Variants in RAPGEF1 observed in about 807,000 individuals in gnomAD.
RAPGEF1 encodes the protein Rap guanine nucleotide exchange factor 1.
RAPGEF1 carries 33 observed loss-of-function variants against 143.3 expected under a neutral mutation model. The observed-to-expected ratio is 0.23, with a 90% CI of 0.17 to 0.31. RAPGEF1 has a LOEUF of 0.31. Among genes scored for constraint, RAPGEF1 ranks in the 10% least tolerant of loss-of-function variants. The probability of loss-of-function intolerance (pLI) is 1.00; values close to 1 mark genes in which losing one functional copy is unlikely to be tolerated. For synonymous variants in RAPGEF1, 629 were observed against 676.5 expected (o/e 0.93, Z 1.09); for missense variants, 1,199 against 1,645.4 (o/e 0.73, Z 4.69).
intron 14 of RAPGEF1, 121 bp from the exon 15 acceptor site, chr9:131,602,270 T>C: frequency 1.6e-6 from 1 of 640,194 alleles, no homozygotes; most frequent in South Asian, 1.9e-5. Context: ...CAATCTCAGA[T>C]GTGAACAAAT....
chr9:131,593,375 C>T (rs1954690391), intron 17 of RAPGEF1, among the ~76,000 whole-genome samples: 1 of 152,200 alleles, frequency 6.6e-6, no homozygotes, highest in African/African-American at 2.4e-5. Flanking sequence ...ACTGCCTGAG[C>T]CAACGGGTGG....
intron 1 of RAPGEF1, among the ~76,000 whole-genome samples, chr9:131,688,829 T>C (rs935357162): frequency 6.6e-6 from 1 of 151,980 alleles, no homozygotes; most frequent in African/African-American, 2.4e-5. Context: ...ACCCGGGAGG[T>C]GGAGGTTGCA....
intron 17 of RAPGEF1, among the ~76,000 whole-genome samples, chr9:131,593,949 G>A (rs757993710): frequency 2.6e-5 from 4 of 152,206 alleles, no homozygotes; most frequent in Admixed American, 6.5e-5. Context: ...CGTGGGACTC[G>A]CTGGTGAGCA....
Position 131,697,284 on chromosome 9 carries a change from G to A in RAPGEF1, c.61+42486C>T, listed in dbSNP as rs117826742. Among the ~76,000 whole-genome samples, 524 of 152,314 alleles carry A rather than the reference G, an allele frequency of 3.4e-3. 3 individuals carry two copies. The highest frequency in any genetic ancestry group is 5.8e-3 in the Admixed American group (89 of 15,304). ...AGCTCCGGGCTCCCTATGTAAGCAA[G>A]GTCACAGAGACTTGAAATGGGTGAT... is the stretch of plus-strand genomic sequence containing the variant. On this transcript the variant is annotated intron_variant, in intron 1 of 26. Transcript: ENST00000683357.
In RAPGEF1 at chr9:131,621,990, A is replaced by AC; in HGVS notation, c.1710_1711insG (p.Tyr571ValfsTer84). The AC allele has an allele frequency of 6.2e-7, 1 of 1,612,756 alleles. No homozygotes were observed. ...GAGTAGTCCTCCAGCAACTGCATGTAGGCCAGCACTGTGAAACAAGGGAGA... is the reference window on the plus strand; with the variant it reads ...GAGTAGTCCTCCAGCAACTGCATGTACGGCCAGCACTGTGAAACAAGGGAGA... On this transcript the variant is annotated frameshift_variant, in exon 11 of 27. Transcript: ENST00000683357. LOFTEE classifies it high-confidence loss of function. This position sits in a 1 kb window ranked among gnomAD's most constrained non-coding sequence, Gnocchi z 4.5.
At chr9:131,582,122 C>T (rs1036594051) in intron 25 of RAPGEF1, among the ~76,000 whole-genome samples, 13 of 152,330 alleles carry the variant, frequency 8.5e-5, no homozygotes, top group South Asian at 2.1e-4. Flanking sequence ...CCATGGTCCA[C>T]GCTCAGGAAG....
intron 1 of RAPGEF1, among the ~76,000 whole-genome samples, chr9:131,665,388 A>G (rs1403354337): frequency 6.6e-6 from 1 of 152,124 alleles, no homozygotes; most frequent in Non-Finnish European, 1.5e-5. Context: ...TTAATGGTAC[A>G]TTCAGAATCC....
chr9:131,659,387 T>G (rs886592093), intron 1 of RAPGEF1, among the ~76,000 whole-genome samples: 40 of 152,176 alleles, frequency 2.6e-4, no homozygotes, highest in African/African-American at 8.7e-4. Flanking sequence ...ACTGGCTAAT[T>G]TTTGTATTTT....
At chr9:131,592,987 C>G (rs1034590066) in intron 17 of RAPGEF1, among the ~76,000 whole-genome samples, 1 of 152,226 alleles carries the variant, frequency 6.6e-6, no homozygotes, top group East Asian at 1.9e-4. Context: ...AAGTGATTCA[C>G]TCAGCTTGGC....
chr9:131,721,706 C>CA lies in RAPGEF1; in HGVS notation c.61+18063dup, dbSNP rs111325703. 3.6e-3 allele frequency among the ~76,000 whole-genome samples: 500 copies of CA among 138,950 alleles called. 3 individuals carry two copies. Among genetic ancestry groups the CA allele is most frequent in the South Asian group, 0.016 (70 of 4,428 alleles). 91.2% of individuals were successfully genotyped at this position (138,950 alleles called of 152,430 possible). On this transcript the variant is annotated intron_variant, in intron 1 of 26. Transcript: ENST00000683357. ...ATCTGTGGATTCAACCAACCTCAGG[C>CA]AAAAAAAAAAAATGGATGGTTGTGT...
intron 1 of RAPGEF1, among the ~76,000 whole-genome samples, chr9:131,718,485 GGGAGAAAC>G (rs1173906980): frequency 6.6e-6 from 1 of 152,342 alleles, no homozygotes; most frequent in East Asian, 1.9e-4. Context: ...GGGCAGTCCA[GGGAGAAAC>G]GGCGGTGGCC....
At position 131,688,322 on chromosome 9, in the gene RAPGEF1, T is replaced by C. The variant is rs537015019; in HGVS notation, c.62-37373A>G. Reference sequence around the variant, plus strand: ...CTCCAGTCAATGGTTTACACTCTGGTGTTGAATAAAAGAACCACAATTCAC... The same window carrying C: ...CTCCAGTCAATGGTTTACACTCTGGCGTTGAATAAAAGAACCACAATTCAC... On this transcript the variant is annotated intron_variant, in intron 1 of 26. Transcript: ENST00000683357. Among the ~76,000 whole-genome samples, 22 of 152,308 alleles carry C rather than the reference T, an allele frequency of 1.4e-4. No homozygotes were observed. The East Asian group carries it at 4.2e-3, about 29-fold the overall frequency.
At chr9:131,687,548 G>A (rs1182291472) in intron 1 of RAPGEF1, among the ~76,000 whole-genome samples, 6 of 152,114 alleles carry the variant, frequency 3.9e-5, no homozygotes, top group Non-Finnish European at 8.8e-5. Flanking sequence ...AACTGAGCAT[G>A]TTTTCCTTAG....
At chr9:131,703,674 G>A (rs79196251) in intron 1 of RAPGEF1, among the ~76,000 whole-genome samples, 5,482 of 152,228 alleles carry the variant, frequency 0.036, 210 homozygotes, top group East Asian at 0.089. Context: ...AATTTTCAAA[G>A]AAATTCAACA....
intron 3 of RAPGEF1, among the ~76,000 whole-genome samples, chr9:131,644,186 A>G (rs957365361): frequency 6.6e-6 from 1 of 152,184 alleles, no homozygotes; most frequent in Non-Finnish European, 1.5e-5. Flanking sequence ...TGTTTAAGCC[A>G]CAACCCCAAG....
intron 1 of RAPGEF1, among the ~76,000 whole-genome samples, chr9:131,735,340 G>A (rs1053039222): frequency 6.6e-6 from 1 of 152,222 alleles, no homozygotes; most frequent in African/African-American, 2.4e-5. Context: ...GCCCAGCTAA[G>A]TGGACCCATC....
At chr9:131,693,199 G>A (rs915992684) in intron 1 of RAPGEF1, among the ~76,000 whole-genome samples, 1 of 152,196 alleles carries the variant, frequency 6.6e-6, no homozygotes, top group Non-Finnish European at 1.5e-5. Flanking sequence ...CATGAATGAC[G>A]TGTTAAGATT....
intron 25 of RAPGEF1, among the ~76,000 whole-genome samples, chr9:131,581,206 C>G (rs760432295): frequency 1.3e-5 from 2 of 151,266 alleles, no homozygotes; most frequent in South Asian, 2.1e-4. Flanking sequence ...CCAGCCTGGG[C>G]AACATAGCAA....
intron 17 of RAPGEF1, among the ~76,000 whole-genome samples, chr9:131,594,166 G>A (rs1318707498): frequency 6.6e-6 from 1 of 152,220 alleles, no homozygotes; most frequent in Non-Finnish European, 1.5e-5. Context: ...AGATGGGACA[G>A]CGCCTGGCTT....
Sources: gnomAD v4.1 joint callset for allele counts (sites outside exome capture counted in the v4.1 genomes callset) on GRCh38, gnomAD v4.1.1 for gene constraint, Gnocchi (gnomAD v3.1) non-coding constraint, MANE v1.5 for transcripts, NCBI Gene and HGNC (gene_info 2026-07-23, HGNC 2026-07-21) for gene names.